The following RARB variants were observed in gnomAD, a reference collection of about 807,000 sequenced individuals.
RARB encodes the protein HBV-activated protein.
In RARB, 17 loss-of-function variants were observed where a neutral mutation model predicts 51.9. The ratio of observed to expected loss-of-function variants is 0.33; its 90% CI spans 0.22 to 0.49. The LOEUF (loss-of-function observed/expected upper bound fraction) is 0.49, where lower values mean the gene tolerates loss of function less well. RARB is among the 20% of genes least tolerant of loss of function. The pLI is 0.99. For synonymous variants in RARB, 215 were observed against 195.4 expected, an observed-to-expected ratio of 1.10 and a Z score of -0.84; for missense variants, 369 against 550.8, an observed-to-expected ratio of 0.67 and a Z score of 3.30.
At chr3:25,515,921 T>C (rs532513157) in intron 3 of RARB, among the ~76,000 whole-genome samples, 23 of 152,242 alleles carry the variant, frequency 1.5e-4, no homozygotes, top group Non-Finnish European at 3.1e-4. Flanking sequence ...TTCCTGTGCA[T>C]AGAGAAATTG....
At chr3:25,408,545 A>G (rs1707475821) in intron 5 of RARB, among the ~76,000 whole-genome samples, 1 of 152,038 alleles carries the variant, frequency 6.6e-6, no homozygotes, top group African/African-American at 2.4e-5. Flanking sequence ...CACAAATCCA[A>G]ACCATATCAG....
intron 2 of RARB, among the ~76,000 whole-genome samples, chr3:24,972,995 C>G (rs952878855): frequency 6.6e-6 from 1 of 151,928 alleles, no homozygotes; most frequent in African/African-American, 2.4e-5. Context: ...TCCCATTTGT[C>G]CATTTTTTGC....
At chr3:25,541,656 G>A (rs746201539) in intron 3 of RARB, among the ~76,000 whole-genome samples, 17 of 152,288 alleles carry the variant, frequency 1.1e-4, no homozygotes, top group Middle Eastern at 3.4e-3. Flanking sequence ...TTACACAGCC[G>A]AAAGCCTGGA....
At chr3:25,047,070 T>A (rs1021442177) in intron 2 of RARB, among the ~76,000 whole-genome samples, 13 of 152,186 alleles carry the variant, frequency 8.5e-5, no homozygotes, top group Non-Finnish European at 1.6e-4. Context: ...CAGTGTCTCA[T>A]GTGGCAAATG....
intron 1 of RARB, among the ~76,000 whole-genome samples, chr3:24,833,877 T>C (rs1298459138): frequency 2.0e-5 from 3 of 152,234 alleles, no homozygotes; most frequent in Non-Finnish European, 4.4e-5. Flanking sequence ...TTTGGACTAA[T>C]ACCCCTGCTC....
intron 3 of RARB, among the ~76,000 whole-genome samples, chr3:25,129,884 T>A (rs1460969067): frequency 2.0e-5 from 3 of 152,088 alleles, no homozygotes; most frequent in Non-Finnish European, 4.4e-5. Context: ...AGGAGTGTTT[T>A]TGGCTGATTA....
chr3:25,184,390 A>T (rs988278215), intron 5 of RARB, among the ~76,000 whole-genome samples: 2 of 152,138 alleles, frequency 1.3e-5, no homozygotes, highest in Non-Finnish European at 2.9e-5. Flanking sequence ...GGTGAATCAC[A>T]TGTGGTCCCG....
At chr3:25,314,484 C>T (rs1010842199) in intron 5 of RARB, among the ~76,000 whole-genome samples, 16 of 152,224 alleles carry the variant, frequency 1.1e-4, no homozygotes, top group African/African-American at 3.6e-4. Context: ...GTTTAAGTTT[C>T]TTGTGTTGCA....
intron 2 of RARB, among the ~76,000 whole-genome samples, chr3:25,473,349 G>A (rs780501294): frequency 1.3e-5 from 2 of 152,018 alleles, no homozygotes; most frequent in African/African-American, 2.4e-5. Flanking sequence ...GTGCATCTCT[G>A]CCTGTACAAA....
intron 5 of RARB, among the ~76,000 whole-genome samples, chr3:25,246,049 A>G (rs770639128): frequency 1.3e-5 from 2 of 151,584 alleles, no homozygotes; most frequent in Non-Finnish European, 2.9e-5. Flanking sequence ...TCTTGTCTTC[A>G]TGCTTTATTT....
intron 1 of RARB, among the ~76,000 whole-genome samples, chr3:24,846,979 G>A (rs137934728): frequency 1.8e-4 from 28 of 152,222 alleles, no homozygotes; most frequent in African/African-American, 6.7e-4. Context: ...TCGTAAGAGT[G>A]TCTTCTATAT....
At chr3:24,896,344 C>G (rs1703478690) in intron 2 of RARB, among the ~76,000 whole-genome samples, 1 of 152,174 alleles carries the variant, frequency 6.6e-6, no homozygotes, top group Non-Finnish European at 1.5e-5. Flanking sequence ...ACTGCAACCT[C>G]TGTCTTCCAG....
At chr3:25,020,126 T>C (rs915644696) in intron 2 of RARB, 11 of 37,094 alleles carry the variant, frequency 3.0e-4, no homozygotes, top group African/African-American at 8.5e-4. Flanking sequence ...TTATTATTAT[T>C]ATTATTATTA....
At chr3:25,324,672 C>G (rs1160377891) in intron 5 of RARB, 2 of 162,004 alleles carry the variant, frequency 1.2e-5, no homozygotes. Flanking sequence ...AGCCCCCTTC[C>G]TGGAACATCT....
At chr3:25,069,957 T>C (rs535260149) in intron 3 of RARB, among the ~76,000 whole-genome samples, 31 of 152,294 alleles carry the variant, frequency 2.0e-4, no homozygotes, top group African/African-American at 6.3e-4. Context: ...GCTGGGTGGC[T>C]TAAAACAACA....
intron 3 of RARB, among the ~76,000 whole-genome samples, chr3:25,065,698 G>A (rs929336486): frequency 2.6e-5 from 4 of 152,168 alleles, no homozygotes; most frequent in Non-Finnish European, 4.4e-5. Context: ...ATGACACTTC[G>A]TACCATATCT....
At chr3:25,422,626 G>A (rs1403940823) in intron 5 of RARB, among the ~76,000 whole-genome samples, 1 of 151,898 alleles carries the variant, frequency 6.6e-6, no homozygotes, top group Non-Finnish European at 1.5e-5. Flanking sequence ...AGGAAATGAA[G>A]ACAATAAGGT....
At chr3:25,399,724 T>C (rs1559385277) in intron 5 of RARB, among the ~76,000 whole-genome samples, 1 of 152,182 alleles carries the variant, frequency 6.6e-6, no homozygotes, top group Non-Finnish European at 1.5e-5. Context: ...CTAGCTGGTA[T>C]ATTAAAACCA....
At chr3:25,000,018 G>T (rs187044840) in intron 2 of RARB, among the ~76,000 whole-genome samples, 2 of 152,230 alleles carry the variant, frequency 1.3e-5, no homozygotes, top group African/African-American at 4.8e-5. Context: ...GAGAAGTGGG[G>T]ACATTGGCTG....
Sources: allele counts gnomAD v4.1 joint callset (sites outside exome capture counted in the v4.1 genomes callset), GRCh38; gene constraint gnomAD v4.1.1; transcripts MANE v1.5; gene names NCBI Gene and HGNC (gene_info 2026-07-23, HGNC 2026-07-21).